PIEZO1: variants seen among roughly 807,000 people sequenced by gnomAD.
PIEZO1 encodes the protein piezo-type mechanosensitive ion channel component 1.
A neutral mutation model predicts 297.2 loss-of-function variants in PIEZO1; 296 were observed. That is an observed-to-expected ratio of 1.00 (90% CI 0.91 to 1.10). The LOEUF (loss-of-function observed/expected upper bound fraction) is 1.10, where lower values mean the gene tolerates loss of function less well. Among genes scored for constraint, PIEZO1 ranks in the 50% least tolerant of loss-of-function variants. The probability of loss-of-function intolerance (pLI) is 0.00; values close to 1 mark genes in which losing one functional copy is unlikely to be tolerated. For missense variants in PIEZO1, 5,018 were observed against 3,455.5 expected (o/e 1.45, Z -11.34); for synonymous variants, 2,427 against 1,507.5 (o/e 1.61, Z -14.13).
chr16:88,784,381 G>A (rs1908078016), intron 1 of PIEZO1, among the ~76,000 whole-genome samples: 1 of 152,250 alleles, frequency 6.6e-6, no homozygotes, highest in South Asian at 2.1e-4. Flanking sequence ...GCGGGGCTGG[G>A]CCCTGGGCAC....
At chr16:88,742,739 G>A (rs1353951055) in intron 2 of PIEZO1, 1 of 380,926 alleles carries the variant, frequency 2.6e-6, no homozygotes, top group Non-Finnish European at 4.9e-6. Context: ...GCAAATACCT[G>A]TCACCGTTCA....
intron 5 of PIEZO1, chr16:88,738,992 G>A (rs1597462704): frequency 1.1e-5 from 6 of 562,652 alleles, no homozygotes; most frequent in East Asian, 8.9e-5. Context: ...AAGACCCAGG[G>A]TCTGTCCTGC....
chr16:88,734,396 C>T lies in PIEZO1; in HGVS notation c.2140G>A (p.Val714Met), dbSNP rs200895258. The T allele has an allele frequency of 1.2e-4, 190 of 1,548,032 alleles. No homozygotes were observed. Among genetic ancestry groups the T allele is most frequent in the Middle Eastern group, 3.4e-4 (2 of 5,874 alleles). The stretch of plus-strand genomic sequence containing the variant: ...GGGAGGCGCGTGCCAGGCAGGGACA[C>T]GTGCTCCATGTCGGTGAGCTGCATG... The part of the protein sequence containing the change: ...PFMQLTDMEH[V>M]SLPGTRLPRW... Residue 714 changes from valine (V) to methionine (M), a missense_variant, in exon 16 of 51, where the codon GTG becomes ATG. Val to Met is a conservative substitution (Grantham distance 21). Coordinates refer to ENST00000301015, the MANE Select transcript of PIEZO1 (RefSeq NM_001142864.4).
Position 88,742,348 on chromosome 16 carries a change from T to A in PIEZO1, c.235A>T (p.Ile79Phe). The A allele has an allele frequency of 6.5e-7, 1 of 1,535,388 alleles. No homozygotes were observed. The highest frequency in any genetic ancestry group is 2.4e-5 in the East Asian group (1 of 40,906). Residue 79 changes from isoleucine (I) to phenylalanine (F), a missense_variant, in exon 3 of 51, where the codon ATC (isoleucine) becomes TTC (phenylalanine). Physicochemically the swap from Ile to Phe is conservative, Grantham distance 21. Transcript: ENST00000301015. ...LFLVAHLALQ[I>F]CLHIVPRLDQ... ...AGGCGGGGCACAATATGCAGGCAGA[T>A]CTGGAGGGCGAGATGGGCCACCAGG...
At position 88,727,617 on chromosome 16, in the gene PIEZO1, G is replaced by C; in HGVS notation, c.3241C>G (p.Leu1081Val). The change falls in exon 23 of 51, where the codon CTC becomes GTC. Residue 1081 changes from leucine (L) to valine (V), a missense_variant. Leu to Val is a conservative substitution (Grantham distance 32, BLOSUM62 1). Coordinates refer to ENST00000301015, the MANE Select transcript of PIEZO1 (RefSeq NM_001142864.4). ...WSRAVPMNSA[L>V]IKWLYLPDFF... is the part of the protein sequence containing the mutation. ...TCAGGCAGGTACAGCCACTTGATGA[G>C]TGCGGAGTTCATGGGGACGGCCCGG... 1 of 1,528,118 alleles carries C rather than the reference G, an allele frequency of 6.5e-7. No individual in the cohort carries two copies. Among genetic ancestry groups the C allele is most frequent in the South Asian group, 1.2e-5 (1 of 82,104 alleles). The allele number at this position is 1,528,118 out of a possible 1,614,324, so 94.7% of individuals were successfully genotyped here. A position where few individuals can be genotyped will look rare whatever the true frequency, so the allele number is the denominator to read the frequency against.
At chr16:88,739,126 C>G (rs1341576639) in intron 5 of PIEZO1, 1 of 200,166 alleles carries the variant, frequency 5.0e-6, no homozygotes, top group Non-Finnish European at 1.0e-5. Context: ...CGGGGGGTCT[C>G]TAGAGACCAA....
At chr16:88,750,276 C>T (rs1906318855) in intron 1 of PIEZO1, among the ~76,000 whole-genome samples, 1 of 151,360 alleles carries the variant, frequency 6.6e-6, no homozygotes, top group African/African-American at 2.4e-5. Flanking sequence ...GTGGAGGTTG[C>T]AGTGAGCCGA....
In PIEZO1 at chr16:88,715,939, C is replaced by G. The variant is rs765285363; in HGVS notation, c.7310G>C (p.Gly2437Ala). Reference sequence around the variant, plus strand: ...CCCCCAGCCACTCACTCACCCGTAGCCAGCCAGGAAGCCGAGGCTCGGTGG... The same window carrying G: ...CCCCCAGCCACTCACTCACCCGTAGGCAGCCAGGAAGCCGAGGCTCGGTGG... The part of the protein sequence containing the change: ...VSPPSLGFLA[G>A]YGIMGLYVSI... The change falls in exon 50 of 51, where the codon GGC (glycine) becomes GCC (alanine). Residue 2437 changes from glycine (G) to alanine (A), a missense_variant. Transcript: ENST00000301015. The G allele has an allele frequency of 2.6e-6, 4 of 1,549,314 alleles. No individual in the cohort carries two copies. The highest frequency in any genetic ancestry group is 2.4e-5 in the South Asian group (2 of 83,994).
intron 1 of PIEZO1, among the ~76,000 whole-genome samples, chr16:88,752,872 T>C (rs534710780): frequency 6.6e-6 from 1 of 150,414 alleles, no homozygotes; most frequent in South Asian, 2.1e-4. Flanking sequence ...GTTCACTCAT[T>C]CATTCATCCA....
intron 40 of PIEZO1, 32 bp downstream of exon 40, chr16:88,720,584 C>G: frequency 6.5e-7 from 1 of 1,541,456 alleles, no homozygotes; most frequent in Non-Finnish European, 8.7e-7. Flanking sequence ...CCCACCCCCA[C>G]TCCCCAGCTG....
Position 88,734,476 on chromosome 16 carries a change from G to A in PIEZO1, c.2060C>T (p.Pro687Leu). Residue 687 changes from proline (P) to leucine (L), a missense_variant, in exon 16 of 51, where the codon CCC (proline) becomes CTC (leucine). By Grantham distance (98) the Pro-to-Leu change is moderately conservative. Transcript: ENST00000301015. ...VSELFSSILV[P>L]GFFLLACILQ... Reference sequence around the variant, plus strand: ...GATGCAGGCCAGGAGGAAGAAGCCGGGCACCAGGATGCTGGAGAAGAGCTC... The same window carrying A: ...GATGCAGGCCAGGAGGAAGAAGCCGAGCACCAGGATGCTGGAGAAGAGCTC... The A allele has an allele frequency of 6.5e-7, 1 of 1,549,804 alleles. No homozygotes were observed. Among genetic ancestry groups the A allele is most frequent in the African/African-American group, 1.4e-5 (1 of 73,176 alleles).
At chr16:88,752,317 C>T (rs57985664) in intron 1 of PIEZO1, among the ~76,000 whole-genome samples, 2,210 of 152,048 alleles carry the variant, frequency 0.015, 56 homozygotes, top group African/African-American at 0.05. Flanking sequence ...CCCATCTCTA[C>T]AAAAAAATTC....
rs768394027 is a variant in PIEZO1 at position 88,716,826 on chromosome 16, G to A, written c.6733C>T (p.Arg2245Trp). ...FTAQAYEELS[R>W]QFDPQPLAMQ... ...CTTACCGGCTGGGGGTCAAACTGCC[G>A]GGACAGCTCCTCATAGGCCTGGGCC... Residue 2245 changes from arginine (R) to tryptophan (W), a missense_variant, in exon 46 of 51, where the codon CGG (arginine) becomes TGG (tryptophan). Physicochemically the swap from Arg to Trp is moderately radical, Grantham distance 101. Transcript: ENST00000301015. 23 of 1,549,944 alleles carry A rather than the reference G, an allele frequency of 1.5e-5. No homozygotes were observed. Among genetic ancestry groups the A allele is most frequent in the South Asian group, 8.3e-5 (7 of 84,066 alleles).
chr16:88,741,984 C>T (rs983791834), intron 4 of PIEZO1, 69 bp downstream of exon 4: 4 of 1,483,310 alleles, frequency 2.7e-6, no homozygotes, highest in African/African-American at 1.4e-5. Context: ...CTCCTGGGTC[C>T]CCCCACTTCC....
In PIEZO1 at chr16:88,717,146, G is replaced by A; in HGVS notation, c.6537C>T (p.Ile2179=). The A allele has an allele frequency of 3.9e-6, 6 of 1,551,304 alleles. No individual in the cohort carries two copies. The highest frequency in any genetic ancestry group is 5.2e-6 in the Non-Finnish European group (6 of 1,147,196). The change falls in exon 45 of 51, where the codon ATC becomes ATT. Residue 2179 remains isoleucine (I), a synonymous_variant. Coordinates refer to ENST00000301015, the MANE Select transcript of PIEZO1 (RefSeq NM_001142864.4). ...AGATGATGGCGATGAGGAAGAGGAT[G>A]ATGAGGCCACCCATGCCGTACTTGA... ...KIVKYGMGGL[I]ILFLIAIIWF...
At chr16:88,725,293 G>A (rs1904342321) in intron 29 of PIEZO1, 123 bp downstream of exon 29, 1 of 715,016 alleles carries the variant, frequency 1.4e-6, no homozygotes, top group Non-Finnish European at 2.2e-6. Context: ...GGGTGATCAT[G>A]CGGACAGGAC....
chr16:88,742,088 G>A lies in PIEZO1; in HGVS notation c.291C>T (p.Arg97=). 6.5e-7 allele frequency: 1 copy of A among 1,535,996 alleles called. No homozygotes were observed. Among genetic ancestry groups the A allele is most frequent in the Non-Finnish European group, 8.7e-7 (1 of 1,146,800 alleles). Residue 97 remains arginine, a synonymous_variant, in exon 4 of 51, where the codon CGC becomes CGT. Transcript: ENST00000301015. ...LDQLLGPSCS[R]WETLSRHIGV... ...CTATGTGTCGCGAGAGGGTCTCCCA[G>A]CGGCTGCCTGCAGAGAAAGACGGGG...
chr16:88,783,714 T>G (rs1402413311), intron 1 of PIEZO1, among the ~76,000 whole-genome samples: 2 of 152,164 alleles, frequency 1.3e-5, no homozygotes, highest in Non-Finnish European at 2.9e-5. Flanking sequence ...AGAGAGTTGC[T>G]CAAAACCTCT....
chr16:88,777,444 G>C (rs560264042), intron 1 of PIEZO1, among the ~76,000 whole-genome samples: 5 of 147,434 alleles, frequency 3.4e-5, no homozygotes, highest in African/African-American at 1.3e-4. Context: ...GACACATTGC[G>C]GGGTCCTCAC....
Sources: gnomAD v4.1 joint callset for allele counts (sites outside exome capture counted in the v4.1 genomes callset) on GRCh38, gnomAD v4.1.1 for gene constraint, MANE v1.5 for transcripts, NCBI Gene and HGNC (gene_info 2026-07-23, HGNC 2026-07-21) for gene names.